Variants in KIAA2012 observed in about 807,000 individuals in gnomAD.
The protein encoded by KIAA2012 is uncharacterized protein KIAA2012.
KIAA2012 carries 125 observed loss-of-function variants against 150.6 expected under a neutral mutation model. The ratio of observed to expected loss-of-function variants is 0.83; its 90% CI spans 0.72 to 0.96. The LOEUF (loss-of-function observed/expected upper bound fraction) is 0.96. Among genes scored for constraint, KIAA2012 ranks in the 40% least tolerant of loss-of-function variants. The probability of loss-of-function intolerance (pLI) is 0.00; values close to 1 mark genes in which losing one functional copy is unlikely to be tolerated. For missense variants in KIAA2012, 1,219 were observed against 1,354.9 expected (o/e 0.90, Z 1.57); for synonymous variants, 462 against 504.7 (o/e 0.92, Z 1.13).
intron 7 of KIAA2012, among the ~76,000 whole-genome samples, chr2:202,102,083 T>C (rs1233862666): frequency 6.6e-6 from 1 of 152,058 alleles, no homozygotes; most frequent in Admixed American, 6.5e-5. Flanking sequence ...TGTTAAAAGT[T>C]GCAAACTAAA....
At chr2:202,153,496 C>T (rs1178040811) in intron 13 of KIAA2012, among the ~76,000 whole-genome samples, 1 of 152,226 alleles carries the variant, frequency 6.6e-6, no homozygotes, top group Non-Finnish European at 1.5e-5. Context: ...ACACTTCATG[C>T]AGATAGACCT....
rs765839996 is a variant in KIAA2012, at chr2:202,109,815, G to A, written c.1651+26G>A. 65 of 1,501,232 alleles carry A rather than the reference G, an allele frequency of 4.3e-5. No individual in the cohort carries two copies. In the East Asian group the frequency reaches 6.7e-4, roughly 16 times the overall value. The allele number at this position is 1,501,232 out of a possible 1,614,324, so 93.0% of individuals were successfully genotyped here. A position where few individuals can be genotyped will look rare whatever the true frequency, so the allele number is the denominator to read the frequency against. On this transcript the variant is annotated intron_variant, in intron 10 of 23. Transcript: ENST00000498697. ...GTAATCATTCCCAGAGTGCATAGAC[G>A]CCCCCCACTGGCTTGAATGTGGCTC...
chr2:202,154,619 G>C, intron 13 of KIAA2012, 54 bp from the exon 14 acceptor site: 1 of 1,462,996 alleles, frequency 6.8e-7, no homozygotes, highest in Non-Finnish European at 9.1e-7. Context: ...ACTAGCTCTT[G>C]TTGCACTGTA....
chr2:202,196,882 A>G lies in KIAA2012; in HGVS notation c.3270A>G (p.Glu1090=). 2 of 1,550,800 alleles carry G rather than the reference A, an allele frequency of 1.3e-6. No individual in the cohort carries two copies. The highest frequency in any genetic ancestry group is 1.7e-6 in the Non-Finnish European group (2 of 1,147,016). The change falls in exon 22 of 24, where the codon GAA becomes GAG. Residue 1090 remains glutamate, a synonymous_variant. Coordinates refer to ENST00000498697, the MANE Select transcript of KIAA2012 (RefSeq NM_001277372.4). ...ACCTGATGGAAATGGCTGAAGAGGA[A>G]CGACTGGAGTACCAGCGGCGGAAAC... is the stretch of plus-strand genomic sequence containing the variant. ...QKHLMEMAEE[E]RLEYQRRKQE...
At chr2:202,096,845 A>T (rs1255810022) in intron 4 of KIAA2012, among the ~76,000 whole-genome samples, 1 of 152,226 alleles carries the variant, frequency 6.6e-6, no homozygotes, top group African/African-American at 2.4e-5. Context: ...AAGACTTGTT[A>T]ACTATGTTGG....
At position 202,104,837 on chromosome 2, in the gene KIAA2012, ATACACT is replaced by A. The variant is rs1329434102; in HGVS notation, c.1325-921_1325-916del. 6.6e-5 allele frequency among the ~76,000 whole-genome samples: 10 copies of A among 152,308 alleles called. No homozygotes were observed. In the East Asian group the frequency reaches 1.9e-3, roughly 29 times the overall value. ...GACATCAAAACATCAGAATGAAAAG[ATACACT>A]TAATAAAAAGACAGACAATACTATT... On this transcript the variant is annotated intron_variant, in intron 8 of 23. Coordinates refer to ENST00000498697, the MANE Select transcript of KIAA2012 (RefSeq NM_001277372.4). This position sits in a 1 kb window ranked among gnomAD's most constrained non-coding sequence, Gnocchi z 4.3.
At chr2:202,135,542 A>G (rs149375564) in intron 12 of KIAA2012, among the ~76,000 whole-genome samples, 2 of 152,216 alleles carry the variant, frequency 1.3e-5, no homozygotes, top group Non-Finnish European at 2.9e-5. Context: ...CTTGGACCTC[A>G]GTAAATTACC....
At chr2:202,178,465 A>AG (rs1240241729) in intron 15 of KIAA2012, among the ~76,000 whole-genome samples, 2 of 152,152 alleles carry the variant, frequency 1.3e-5, no homozygotes, top group East Asian at 3.8e-4. Flanking sequence ...AAAACTGGGA[A>AG]GGTTTCAATT....
rs1175819780 is a variant in KIAA2012, at chr2:202,187,236, G to GA, written c.2376+138_2376+139insA. The GA allele has an allele frequency of 1.1e-5, 10 of 909,872 alleles. No homozygotes were observed. In the East Asian group the frequency reaches 2.4e-4, roughly 22 times the overall value. 56.4% of individuals were successfully genotyped at this position (909,872 alleles called of 1,614,324 possible). ...TGAGGGGGGCACTGAGGTCCAGCCTGTGGTCTGCTTACCAAGCCCTGCACA... is the reference window on the plus strand; with the variant it reads ...TGAGGGGGGCACTGAGGTCCAGCCTGATGGTCTGCTTACCAAGCCCTGCACA... On this transcript the variant is annotated intron_variant, in intron 17 of 23. Transcript: ENST00000498697.
chr2:202,194,957 A>G (rs1692389165), intron 21 of KIAA2012, among the ~76,000 whole-genome samples: 1 of 151,720 alleles, frequency 6.6e-6, no homozygotes, highest in Middle Eastern at 3.2e-3. Flanking sequence ...TTTAGTAAAG[A>G]TGGGGTTTCA....
intron 21 of KIAA2012, among the ~76,000 whole-genome samples, chr2:202,194,576 A>G (rs1277308874): frequency 2.3e-5 from 1 of 43,796 alleles, no homozygotes; most frequent in African/African-American, 9.3e-5. Flanking sequence ...AAATGACTCC[A>G]GAGTCCCTTT....
chr2:202,074,811 C>G, intron 1 of KIAA2012, 80 bp from the exon 2 acceptor site: 1 of 1,399,590 alleles, frequency 7.1e-7, no homozygotes, highest in Non-Finnish European at 9.5e-7. Flanking sequence ...AAAAAAATGC[C>G]GAAGGCTTTG....
intron 4 of KIAA2012, among the ~76,000 whole-genome samples, chr2:202,096,483 G>A (rs1158312239): frequency 6.6e-6 from 1 of 152,214 alleles, no homozygotes; most frequent in Non-Finnish European, 1.5e-5. Context: ...GTGGGCAAAG[G>A]AAGGAGAGCT....
At chr2:202,130,428 C>T (rs1006909809) in intron 12 of KIAA2012, among the ~76,000 whole-genome samples, 4 of 152,156 alleles carry the variant, frequency 2.6e-5, no homozygotes, top group African/African-American at 4.8e-5. Context: ...TAGCACAATG[C>T]ATTTTAAAGC....
intron 12 of KIAA2012, among the ~76,000 whole-genome samples, chr2:202,135,267 C>A (rs1691036000): frequency 1.3e-5 from 2 of 152,198 alleles, no homozygotes; most frequent in African/African-American, 4.8e-5. Context: ...TTCAGGCATG[C>A]CTGGAAGTTG....
intron 12 of KIAA2012, among the ~76,000 whole-genome samples, chr2:202,133,141 T>C (rs1241752443): frequency 1.5e-5 from 2 of 137,190 alleles, no homozygotes; most frequent in East Asian, 4.0e-4. Flanking sequence ...TTTTTTTTTT[T>C]TCTGGAGAAT....
intron 23 of KIAA2012, among the ~76,000 whole-genome samples, chr2:202,203,601 T>C (rs972843142): frequency 1.3e-5 from 2 of 152,188 alleles, no homozygotes; most frequent in African/African-American, 2.4e-5. Context: ...GGCTACTGTA[T>C]TGGAAAGCAC....
At chr2:202,150,686 G>A (rs767714179) in intron 13 of KIAA2012, among the ~76,000 whole-genome samples, 4 of 152,050 alleles carry the variant, frequency 2.6e-5, no homozygotes, top group Non-Finnish European at 4.4e-5. Context: ...GGCCTCAAGT[G>A]ATCCAGCCAC....
In KIAA2012 at chr2:202,197,037, A is replaced by G; in HGVS notation, c.3407+18A>G. 6.4e-7 allele frequency: 1 copy of G among 1,550,460 alleles called. No individual in the cohort carries two copies. The highest frequency in any genetic ancestry group is 8.7e-7 in the Non-Finnish European group (1 of 1,147,002). The stretch of plus-strand genomic sequence containing the variant: ...CAAGCCAGGTACTGGATATTTGGGC[A>G]ACAGTTGCCATAGGGGGATGGTTCA... On this transcript the variant is annotated intron_variant, in intron 22 of 23. Coordinates refer to ENST00000498697, the MANE Select transcript of KIAA2012 (RefSeq NM_001277372.4).
Sources: gnomAD v4.1 joint callset for allele counts (sites outside exome capture counted in the v4.1 genomes callset) on GRCh38, gnomAD v4.1.1 for gene constraint, Gnocchi (gnomAD v3.1) non-coding constraint, MANE v1.5 for transcripts, NCBI Gene and HGNC (gene_info 2026-07-23, HGNC 2026-07-21) for gene names.